The following SNTG2 variants were observed in gnomAD, a reference collection of about 807,000 sequenced individuals.
SNTG2 encodes the protein gamma-2-syntrophin.
SNTG2 carries 74 observed loss-of-function variants against 70.9 expected under a neutral mutation model. That is an observed-to-expected ratio of 1.04 (90% CI 0.86 to 1.27). The LOEUF is 1.27. SNTG2 is among the 50% of genes most tolerant of loss of function. The pLI is 0.00. For missense variants in SNTG2, 717 were observed against 690.7 expected (o/e 1.04, Z -0.43); for synonymous variants, 278 against 273.8 (o/e 1.02, Z -0.15).
intron 12 of SNTG2, among the ~76,000 whole-genome samples, chr2:1,252,208 G>C (rs971024249): frequency 1.3e-5 from 2 of 152,168 alleles, no homozygotes; most frequent in African/African-American, 4.8e-5. Context: ...CTTTTTCAGT[G>C]GTAATCAATA....
chr2:1,045,739 C>G (rs1486715764), intron 1 of SNTG2, among the ~76,000 whole-genome samples: 1 of 152,030 alleles, frequency 6.6e-6, no homozygotes, highest in Non-Finnish European at 1.5e-5. Context: ...TGTAATATGA[C>G]AGTGTGGATG....
rs1452587024 is a variant in SNTG2 at position 1,221,494 on chromosome 2, T to TGC, written c.719+12264_719+12265insGC. Among the ~76,000 whole-genome samples the TGC allele has an allele frequency of 5.2e-3, 66 of 12,742 alleles. 2 individuals carry two copies. Among genetic ancestry groups the TGC allele is most frequent in the South Asian group, 0.016 (4 of 254 alleles). 8.4% of individuals were successfully genotyped at this position (12,742 alleles called of 152,430 possible). A position where few individuals can be genotyped will look rare whatever the true frequency, so the allele number is the denominator to read the frequency against. On this transcript the variant is annotated intron_variant, in intron 9 of 16. Transcript: ENST00000308624. ...CTCTGTCTCTCTCTCTCTCTGTCTC[T>TGC]CTCTGTCTCTCTCTCTCTCTCTGTC...
intron 1 of SNTG2, among the ~76,000 whole-genome samples, chr2:1,046,291 GT>G (rs1661731573): frequency 2.0e-5 from 3 of 152,048 alleles, no homozygotes; most frequent in Non-Finnish European, 4.4e-5. Flanking sequence ...GACTGCATTT[GT>G]TTAGGTGTTG....
At chr2:1,096,033 C>T (rs555133400) in intron 2 of SNTG2, among the ~76,000 whole-genome samples, 3 of 152,310 alleles carry the variant, frequency 2.0e-5, no homozygotes, top group South Asian at 4.1e-4. Context: ...CTTGGTTCTG[C>T]AGTCCACATT....
chr2:1,257,429 C>T (rs886697959), intron 12 of SNTG2, among the ~76,000 whole-genome samples: 5 of 152,076 alleles, frequency 3.3e-5, no homozygotes, highest in South Asian at 2.1e-4. Context: ...GAGGAATAAA[C>T]GAGTAGGAGG....
intron 15 of SNTG2, among the ~76,000 whole-genome samples, chr2:1,309,518 C>G (rs912935334): frequency 6.6e-6 from 1 of 152,236 alleles, no homozygotes; most frequent in Non-Finnish European, 1.5e-5. Context: ...ATTGTCAGGA[C>G]TTGGTGGGAG....
chr2:1,052,715 C>T (rs559775359), intron 1 of SNTG2, among the ~76,000 whole-genome samples: 4 of 152,282 alleles, frequency 2.6e-5, no homozygotes, highest in Admixed American at 1.3e-4. Context: ...GCCATCCTTT[C>T]GTGGAAGCAG....
At chr2:1,044,021 T>G (rs11127450) in intron 1 of SNTG2, among the ~76,000 whole-genome samples, 11 of 152,214 alleles carry the variant, frequency 7.2e-5, no homozygotes, top group African/African-American at 2.2e-4. Context: ...TTTAACAGTA[T>G]TGATCCTTCT....
rs895030530 is a variant in SNTG2 at position 1,173,424 on chromosome 2, G to C, written c.591+241G>C. Among the ~76,000 whole-genome samples, 23 of 152,320 alleles carry C rather than the reference G, an allele frequency of 1.5e-4. No homozygotes were observed. In the East Asian group the frequency reaches 4.4e-3, roughly 29 times the overall value. The stretch of plus-strand genomic sequence containing the variant: ...TTCATAATTCACAGCATCTCAGTGA[G>C]CAGGCAAGAATTCTTTGAGTCCTGC... On this transcript the variant is annotated intron_variant, in intron 8 of 16. Transcript: ENST00000308624.
intron 1 of SNTG2, among the ~76,000 whole-genome samples, chr2:1,002,193 A>G (rs1659418538): frequency 6.6e-6 from 1 of 152,174 alleles, no homozygotes; most frequent in Admixed American, 6.5e-5. Context: ...TCTTCTGGAC[A>G]TTGCCATGAT....
rs572674415 is a variant in SNTG2, at chr2:1,301,453, T to C, written c.1285-7041T>C. 6.6e-5 allele frequency among the ~76,000 whole-genome samples: 10 copies of C among 152,306 alleles called. No homozygotes were observed. In the South Asian group the frequency reaches 2.1e-3, roughly 32 times the overall value. ...ATTATGGCCTCAAACTTCCCCACAT[T>C]GGCTAGAGACGTAAACCTACATATT... On this transcript the variant is annotated intron_variant, in intron 14 of 16. Transcript: ENST00000308624.
At chr2:955,900 A>G (rs958081137) in intron 1 of SNTG2, among the ~76,000 whole-genome samples, 1 of 152,170 alleles carries the variant, frequency 6.6e-6, no homozygotes, top group Non-Finnish European at 1.5e-5. Flanking sequence ...AGCTGGTGCC[A>G]GGGAGGCCAA....
intron 8 of SNTG2, among the ~76,000 whole-genome samples, chr2:1,174,381 C>T (rs1023810269): frequency 4.6e-5 from 7 of 151,898 alleles, no homozygotes; most frequent in African/African-American, 1.7e-4. Context: ...TGCATGTTTA[C>T]TTACTGTTTG....
intron 1 of SNTG2, among the ~76,000 whole-genome samples, chr2:1,037,337 C>G (rs1418837077): frequency 6.6e-6 from 1 of 152,204 alleles, no homozygotes; most frequent in East Asian, 1.9e-4. Flanking sequence ...AATCCACATC[C>G]CCAGGCTATG....
intron 1 of SNTG2, among the ~76,000 whole-genome samples, chr2:1,036,297 T>C (rs1009980848): frequency 6.6e-6 from 1 of 152,164 alleles, no homozygotes; most frequent in Non-Finnish European, 1.5e-5. Context: ...TTATTTTTTT[T>C]CAAACATAGC....
chr2:1,217,115 C>T, intron 9 of SNTG2, among the ~76,000 whole-genome samples: 1 of 151,810 alleles, frequency 6.6e-6, no homozygotes, highest in East Asian at 1.9e-4. Context: ...TTAGTTTTCT[C>T]AGTTCTTTTT....
chr2:1,034,766 T>A (rs1404977067), intron 1 of SNTG2, among the ~76,000 whole-genome samples: 1 of 152,170 alleles, frequency 6.6e-6, no homozygotes, highest in East Asian at 1.9e-4. Context: ...TCCCGCACAA[T>A]AATAATGGGA....
chr2:1,236,752 T>C (rs28375060), intron 9 of SNTG2, among the ~76,000 whole-genome samples: 47,967 of 151,980 alleles, frequency 0.32, 9,003 homozygotes, highest in African/African-American at 0.53. Context: ...TCCTACCCCT[T>C]CTCCTACACA....
chr2:1,228,790 C>T (rs1675978878), intron 9 of SNTG2, among the ~76,000 whole-genome samples: 3 of 152,166 alleles, frequency 2.0e-5, no homozygotes, highest in Non-Finnish European at 4.4e-5. Context: ...AGAACGAAGC[C>T]GCGGACCCTC....
Sources: allele counts gnomAD v4.1 joint callset (sites outside exome capture counted in the v4.1 genomes callset), GRCh38; gene constraint gnomAD v4.1.1; transcripts MANE v1.5; gene names NCBI Gene and HGNC (gene_info 2026-07-23, HGNC 2026-07-21).